The following RALYL variants were observed in gnomAD, a reference collection of about 807,000 sequenced individuals.
RALYL encodes the protein RNA-binding Raly-like protein.
RALYL carries 29 observed loss-of-function variants against 35.1 expected under a neutral mutation model. The ratio of observed to expected loss-of-function variants is 0.83; its 90% confidence interval spans 0.61 to 1.13. The LOEUF (loss-of-function observed/expected upper bound fraction) is 1.13. Ranked by LOEUF, RALYL falls within the 50% of genes most tolerant of loss-of-function variation. RALYL has a pLI of 0.00. For synonymous variants in RALYL, 120 were observed against 127.6 expected, an observed-to-expected ratio of 0.94 and a Z score of 0.40; for missense variants, 359 against 360.4, an observed-to-expected ratio of 1.00 and a Z score of 0.03.
chr8:84,391,632 G>C (rs1860720511), intron 1 of RALYL, among the ~76,000 whole-genome samples: 1 of 151,988 alleles, frequency 6.6e-6, no homozygotes, highest in Non-Finnish European at 1.5e-5. Flanking sequence ...TTTAGATACA[G>C]CATAAAATTG....
intron 1 of RALYL, among the ~76,000 whole-genome samples, chr8:84,513,856 G>A (rs971051577): frequency 1.3e-5 from 2 of 151,970 alleles, no homozygotes; most frequent in African/African-American, 4.8e-5. Flanking sequence ...AGCACTTTGG[G>A]AGGCCGAGGC....
intron 2 of RALYL, among the ~76,000 whole-genome samples, chr8:84,566,325 G>A (rs1365378437): frequency 6.6e-6 from 1 of 151,366 alleles, no homozygotes; most frequent in Non-Finnish European, 1.5e-5. Flanking sequence ...AAGTTGGTGG[G>A]GCAGGGGTGG....
At chr8:84,563,899 A>G (rs962976919) in intron 2 of RALYL, among the ~76,000 whole-genome samples, 8 of 151,772 alleles carry the variant, frequency 5.3e-5, no homozygotes, top group African/African-American at 1.7e-4. Flanking sequence ...AAATATTTCA[A>G]TGTGATTTCA....
intron 1 of RALYL, among the ~76,000 whole-genome samples, chr8:84,342,415 G>T (rs1849034611): frequency 6.7e-6 from 1 of 149,696 alleles, no homozygotes; most frequent in Admixed American, 6.7e-5. Context: ...GATGTCTATG[G>T]TTTTTATTTT....
Position 84,699,015 on chromosome 8 carries a change from T to TAGATAGAC in RALYL, c.257-75557_257-75556insCAGATAGA. ...TAAGATAGGTAGGTACATAGATAGA[T>TAGATAGAC]AGATAGATAGATAGATAGATAGATA... On this transcript the variant is annotated intron_variant, in intron 2 of 8. Coordinates refer to ENST00000521268, the MANE Select transcript of RALYL (RefSeq NM_173848.7). 2.7e-5 allele frequency among the ~76,000 whole-genome samples: 4 copies of TAGATAGAC among 150,598 alleles called. No individual in the cohort carries two copies. In the South Asian group the frequency reaches 8.5e-4, roughly 32 times the overall value.
intron 1 of RALYL, among the ~76,000 whole-genome samples, chr8:84,515,343 G>T (rs962294077): frequency 6.6e-6 from 1 of 152,004 alleles, no homozygotes; most frequent in African/African-American, 2.4e-5. Context: ...TATATAGTGG[G>T]CACTAGCATG....
chr8:84,797,512 C>A (rs1427051), intron 3 of RALYL, among the ~76,000 whole-genome samples: 1 of 152,020 alleles, frequency 6.6e-6, no homozygotes, highest in Non-Finnish European at 1.5e-5. Context: ...TCGTTGTTTG[C>A]GGAAGTGTGG....
At chr8:84,289,007 G>A (rs1239533661) in intron 1 of RALYL, among the ~76,000 whole-genome samples, 1 of 152,100 alleles carries the variant, frequency 6.6e-6, no homozygotes, top group Non-Finnish European at 1.5e-5. Flanking sequence ...CAAAGGGTGG[G>A]AAGACTTTTA....
intron 1 of RALYL, among the ~76,000 whole-genome samples, chr8:84,306,604 A>G (rs1398264287): frequency 6.6e-6 from 1 of 152,122 alleles, no homozygotes; most frequent in Non-Finnish European, 1.5e-5. Context: ...AACCACTGAC[A>G]AACTCATGCA....
chr8:84,426,717 A>G (rs1048528431), intron 1 of RALYL, among the ~76,000 whole-genome samples: 6 of 152,192 alleles, frequency 3.9e-5, no homozygotes, highest in African/African-American at 9.6e-5. Flanking sequence ...AATGAGCACC[A>G]TTAATCATCA....
chr8:84,800,416 G>A (rs1023097292), intron 3 of RALYL, among the ~76,000 whole-genome samples: 5 of 151,998 alleles, frequency 3.3e-5, no homozygotes, highest in Non-Finnish European at 7.4e-5. Context: ...AATAATACCT[G>A]GCCTTCAGTA....
At chr8:84,523,633 T>A (rs2058651629) in intron 1 of RALYL, among the ~76,000 whole-genome samples, 1 of 150,648 alleles carries the variant, frequency 6.6e-6, no homozygotes, top group Non-Finnish European at 1.5e-5. Context: ...TCATCTAGCA[T>A]TAGGTATATC....
chr8:84,220,455 T>A (rs1821927811), intron 1 of RALYL, among the ~76,000 whole-genome samples: 1 of 152,034 alleles, frequency 6.6e-6, no homozygotes, highest in African/African-American at 2.4e-5. Flanking sequence ...CCAGTAACAC[T>A]AACTTTTGGG....
chr8:84,427,629 C>G (rs2046643106), intron 1 of RALYL, among the ~76,000 whole-genome samples: 2 of 152,110 alleles, frequency 1.3e-5, no homozygotes, highest in Admixed American at 1.3e-4. Flanking sequence ...ATATGTATTA[C>G]TCATCTTCCC....
chr8:84,681,871 A>G (rs1292786081), intron 2 of RALYL, among the ~76,000 whole-genome samples: 2 of 152,132 alleles, frequency 1.3e-5, no homozygotes, highest in African/African-American at 4.8e-5. Flanking sequence ...AACTTCCAAC[A>G]CTATGTTGAA....
intron 1 of RALYL, among the ~76,000 whole-genome samples, chr8:84,224,152 C>T (rs908564675): frequency 6.6e-6 from 1 of 152,192 alleles, no homozygotes; most frequent in African/African-American, 2.4e-5. Context: ...AGCTATGGCT[C>T]ACTTTTTGGG....
intron 8 of RALYL, among the ~76,000 whole-genome samples, chr8:84,904,839 T>A (rs1358447276): frequency 2.6e-5 from 4 of 152,122 alleles, no homozygotes; most frequent in Non-Finnish European, 5.9e-5. Context: ...CTATGTTGCC[T>A]CTGTTCACTG....
At chr8:84,858,554 A>G (rs1264113511) in intron 5 of RALYL, among the ~76,000 whole-genome samples, 1 of 152,214 alleles carries the variant, frequency 6.6e-6, no homozygotes, top group Non-Finnish European at 1.5e-5. Context: ...GGAGATTTAG[A>G]TTCCATTTAA....
At chr8:84,349,528 G>A (rs1850491040) in intron 1 of RALYL, among the ~76,000 whole-genome samples, 1 of 150,290 alleles carries the variant, frequency 6.7e-6, no homozygotes, top group East Asian at 1.9e-4. Flanking sequence ...TCTTTGGTTA[G>A]TAGGTCATCC....
Sources: gnomAD v4.1 joint callset for allele counts (sites outside exome capture counted in the v4.1 genomes callset) on GRCh38, gnomAD v4.1.1 for gene constraint, MANE v1.5 for transcripts, NCBI Gene and HGNC (gene_info 2026-07-23, HGNC 2026-07-21) for gene names.